The following ROR1 variants were observed in gnomAD, a reference collection of about 807,000 sequenced individuals.
ROR1 encodes inactive tyrosine-protein kinase transmembrane receptor ROR1.
A neutral mutation model predicts 78.8 loss-of-function variants in ROR1; 19 were observed. The ratio of observed to expected loss-of-function variants is 0.24; its 90% confidence interval spans 0.17 to 0.35. ROR1 has a LOEUF of 0.35. ROR1 is among the 10% of genes least tolerant of loss of function. The pLI is 1.00. For missense variants in ROR1, 917 were observed against 1,177.8 expected, an observed-to-expected ratio of 0.78 and a Z score of 3.24; for synonymous variants, 386 against 433.6, an observed-to-expected ratio of 0.89 and a Z score of 1.36.
intron 1 of ROR1, among the ~76,000 whole-genome samples, chr1:63,857,759 A>C (rs1220070838): frequency 6.6e-6 from 1 of 152,212 alleles, no homozygotes; most frequent in African/African-American, 2.4e-5. Flanking sequence ...CGGTAGAATG[A>C]ACCATATTTG....
chr1:64,162,480 G>T (rs1033909927), intron 8 of ROR1, among the ~76,000 whole-genome samples: 1 of 152,206 alleles, frequency 6.6e-6, no homozygotes, highest in African/African-American at 2.4e-5. Context: ...TGATCTGTGG[G>T]CAAAGGAAGC....
intron 4 of ROR1, among the ~76,000 whole-genome samples, chr1:64,068,197 A>G (rs1462393474): frequency 1.3e-5 from 2 of 152,194 alleles, no homozygotes; most frequent in Non-Finnish European, 2.9e-5. Context: ...GTTTATTTGT[A>G]TTGTGAAAAG....
At chr1:63,971,512 A>C (rs986966588) in intron 1 of ROR1, among the ~76,000 whole-genome samples, 1 of 152,188 alleles carries the variant, frequency 6.6e-6, no homozygotes, top group East Asian at 1.9e-4. Context: ...TGAGCTGTAG[A>C]TATCTGGTAG....
intron 1 of ROR1, among the ~76,000 whole-genome samples, chr1:63,818,967 G>A (rs2100281929): frequency 6.6e-6 from 1 of 152,126 alleles, no homozygotes; most frequent in Non-Finnish European, 1.5e-5. Context: ...GGGTCTCAGT[G>A]GGAGGCCCTA....
intron 1 of ROR1, among the ~76,000 whole-genome samples, chr1:63,867,633 G>A (rs946766654): frequency 1.3e-5 from 2 of 152,192 alleles, no homozygotes; most frequent in African/African-American, 4.8e-5. Context: ...GTAACGAGGT[G>A]GTTCACTTGT....
At chr1:63,801,363 C>T (rs1034012332) in intron 1 of ROR1, among the ~76,000 whole-genome samples, 1 of 152,016 alleles carries the variant, frequency 6.6e-6, no homozygotes, top group Non-Finnish European at 1.5e-5. Flanking sequence ...GGCATGATCT[C>T]GGCTTACTGC....
At chr1:63,918,603 AGCTTGGTAAAAACTTACTATTAAACAGG>A in intron 1 of ROR1, among the ~76,000 whole-genome samples, 1 of 152,282 alleles carries the variant, frequency 6.6e-6, no homozygotes, top group Non-Finnish European at 1.5e-5. Context: ...AGAATTTAGG[AGCTTGGTAAAAACTTACTATTAAACAGG>A]GCTTTTCTTT....
rs773029796 is a variant in ROR1, at chr1:63,998,287, GT to G, written c.92-11006del. Among the ~76,000 whole-genome samples the G allele has an allele frequency of 4.0e-3, 582 of 144,150 alleles. 3 individuals carry two copies. The highest frequency in any genetic ancestry group is 8.7e-3 in the East Asian group (43 of 4,950). 94.6% of individuals were successfully genotyped at this position (144,150 alleles called of 152,430 possible). A position where few individuals can be genotyped will look rare whatever the true frequency, so the allele number is the denominator to read the frequency against. Reference sequence around the variant, plus strand: ...AAGTAGAAAATTAGGGTAATTTAAGGTTTTTTTTTTTTGTCTTTTCAATAGT... The same window carrying G: ...AAGTAGAAAATTAGGGTAATTTAAGGTTTTTTTTTTTGTCTTTTCAATAGT... On this transcript the variant is annotated intron_variant, in intron 1 of 8. Coordinates refer to ENST00000371079, the MANE Select transcript of ROR1 (RefSeq NM_005012.4).
chr1:63,869,280 C>G (rs1396765843), intron 1 of ROR1, among the ~76,000 whole-genome samples: 1 of 152,154 alleles, frequency 6.6e-6, no homozygotes, highest in Non-Finnish European at 1.5e-5. Flanking sequence ...TTTGTAACTT[C>G]TAATAATCCA....
At chr1:63,976,092 G>A (rs75094809) in intron 1 of ROR1, among the ~76,000 whole-genome samples, 2,021 of 152,290 alleles carry the variant, frequency 0.013, 44 homozygotes, top group African/African-American at 0.047. Context: ...GCCAAGACAT[G>A]CATTTTTAAG....
At chr1:63,993,089 T>G (rs957124776) in intron 1 of ROR1, among the ~76,000 whole-genome samples, 15 of 152,326 alleles carry the variant, frequency 9.8e-5, no homozygotes, top group African/African-American at 3.1e-4. Flanking sequence ...TGTTTACAGT[T>G]CCCCAAATTA....
At chr1:64,020,354 T>G (rs1160098313) in intron 2 of ROR1, among the ~76,000 whole-genome samples, 1 of 152,204 alleles carries the variant, frequency 6.6e-6, no homozygotes, top group Non-Finnish European at 1.5e-5. Flanking sequence ...TTAGGTTCAT[T>G]TATTCAACAA....
chr1:63,796,224 A>C (rs1644758937), intron 1 of ROR1, among the ~76,000 whole-genome samples: 1 of 152,160 alleles, frequency 6.6e-6, no homozygotes, highest in South Asian at 2.1e-4. Context: ...AAAGTCAATA[A>C]ACTTGAGTTT....
intron 4 of ROR1, among the ~76,000 whole-genome samples, chr1:64,107,867 T>C (rs1255512838): frequency 6.6e-6 from 1 of 152,174 alleles, no homozygotes; most frequent in Non-Finnish European, 1.5e-5. Flanking sequence ...AGCATATTTC[T>C]GCAGCTACCT....
At chr1:63,976,864 G>A (rs754028868) in intron 1 of ROR1, among the ~76,000 whole-genome samples, 3 of 152,090 alleles carry the variant, frequency 2.0e-5, no homozygotes, top group African/African-American at 4.8e-5. Flanking sequence ...AATTCATTAT[G>A]TTTCATATAC....
intron 4 of ROR1, among the ~76,000 whole-genome samples, chr1:64,060,888 CAATCCCCACTGTATGAAT>C (rs1646911921): frequency 6.6e-6 from 1 of 152,236 alleles, no homozygotes; most frequent in African/African-American, 2.4e-5. Flanking sequence ...CATCACTCAA[CAATCCCCACTGTATGAAT>C]AAAGCCTGGA....
chr1:64,165,974 G>T (rs917149631), intron 8 of ROR1, among the ~76,000 whole-genome samples: 1 of 152,076 alleles, frequency 6.6e-6, no homozygotes, highest in African/African-American at 2.4e-5. Flanking sequence ...CCAAAGTGCT[G>T]GGATTACAGG....
chr1:63,965,081 C>G (rs752298396), intron 1 of ROR1, among the ~76,000 whole-genome samples: 1 of 152,134 alleles, frequency 6.6e-6, no homozygotes, highest in Admixed American at 6.5e-5. Flanking sequence ...ATATGGCATG[C>G]ACTTTACATA....
chr1:64,079,983 A>G (rs1647087925), intron 4 of ROR1, among the ~76,000 whole-genome samples: 1 of 152,190 alleles, frequency 6.6e-6, no homozygotes, highest in African/African-American at 2.4e-5. Context: ...TCTATAATTA[A>G]GGCAGAATGC....
Sources: allele counts gnomAD v4.1 joint callset (sites outside exome capture counted in the v4.1 genomes callset), GRCh38; gene constraint gnomAD v4.1.1; transcripts MANE v1.5; gene names NCBI Gene and HGNC (gene_info 2026-07-23, HGNC 2026-07-21).